BBOF1: variants seen among roughly 807,000 people sequenced by gnomAD.
The protein encoded by BBOF1 is basal body-orientation factor 1.
A neutral mutation model predicts 68.0 loss-of-function variants in BBOF1; 62 were observed. The observed-to-expected ratio is 0.91, with a 90% CI of 0.74 to 1.13. The LOEUF (loss-of-function observed/expected upper bound fraction) is 1.13, where lower values mean the gene tolerates loss of function less well. Ranked by LOEUF, BBOF1 falls within the 50% of genes most tolerant of loss-of-function variation. The pLI is 0.00. For synonymous variants in BBOF1, 208 were observed against 198.8 expected, an observed-to-expected ratio of 1.05 and a Z score of -0.39; for missense variants, 534 against 600.1, an observed-to-expected ratio of 0.89 and a Z score of 1.15.
chr14:74,029,181 C>G lies in BBOF1; in HGVS notation c.286-3C>G, dbSNP rs1167827552. On this transcript the variant is annotated splice_region_variant and splice_polypyrimidine_tract_variant and intron_variant, in intron 2 of 11. Coordinates refer to ENST00000394009, the MANE Select transcript of BBOF1 (RefSeq NM_025057.3). ...CATGACCCTGTATTTTGATTTTCAA[C>G]AGATTGAAAAACTGAAACAGCAATT... 3 of 1,546,106 alleles carry G rather than the reference C, an allele frequency of 1.9e-6. No homozygotes were observed. In the African/African-American group the frequency reaches 4.1e-5, roughly 21 times the overall value.
At chr14:74,024,125 A>G (rs1351603461) in intron 2 of BBOF1, among the ~76,000 whole-genome samples, 1 of 152,156 alleles carries the variant, frequency 6.6e-6, no homozygotes, top group African/African-American at 2.4e-5. Flanking sequence ...CAGAAAGGAC[A>G]GGTAACTTGC....
Position 74,050,114 on chromosome 14 carries a change from A to T in BBOF1, c.1205A>T (p.Glu402Val). 6.2e-7 allele frequency: 1 copy of T among 1,611,194 alleles called. No homozygotes were observed. Among genetic ancestry groups the T allele is most frequent in the Non-Finnish European group, 8.5e-7 (1 of 1,178,306 alleles). Residue 402 changes from glutamate to valine, a missense_variant, in exon 8 of 12, where the codon GAA becomes GTA. Coordinates refer to ENST00000394009, the MANE Select transcript of BBOF1 (RefSeq NM_025057.3). ...AGAGCAGCATGTACAGGAAGAACAG[A>T]ATATCCCAAAATCAGAACATTTGAT... is the stretch of plus-strand genomic sequence containing the variant. ...KMRAACTGRT[E>V]YPKIRTFDGR...
downstream of BBOF1, chr14:74,066,798 C>T (rs1566829922): frequency 2.5e-6 from 4 of 1,613,688 alleles, no homozygotes; most frequent in Non-Finnish European, 3.4e-6. Context: ...TGGAAGCTCC[C>T]TCCTTTGTTC....
intron 8 of BBOF1, among the ~76,000 whole-genome samples, chr14:74,051,582 T>G (rs1186859429): frequency 6.6e-6 from 1 of 151,742 alleles, no homozygotes; most frequent in African/African-American, 2.4e-5. Flanking sequence ...ATGATAAAGG[T>G]AACAGAATGT....
At chr14:74,064,572 T>C in intron 11 of BBOF1, 116 bp from the exon 12 acceptor site, 1 of 900,746 alleles carries the variant, frequency 1.1e-6, no homozygotes. Context: ...ACTCAGGAAA[T>C]GGCATATACA....
intron 2 of BBOF1, among the ~76,000 whole-genome samples, chr14:74,025,710 C>T (rs1175855452): frequency 1.3e-5 from 2 of 152,134 alleles, no homozygotes; most frequent in African/African-American, 4.8e-5. Context: ...TACATAGTAT[C>T]TCACTTGTGT....
chr14:74,073,161 T>C (rs1275642826), intron 9 of BBOF1, among the ~76,000 whole-genome samples: 1 of 151,996 alleles, frequency 6.6e-6, no homozygotes, highest in Non-Finnish European at 1.5e-5. Flanking sequence ...GGCTGGAGTG[T>C]AGTGTGATCA....
intron 2 of BBOF1, among the ~76,000 whole-genome samples, chr14:74,026,799 C>T (rs2059439610): frequency 1.3e-5 from 2 of 151,732 alleles, no homozygotes; most frequent in African/African-American, 4.8e-5. Context: ...GTAGTGTGCA[C>T]CTGTAATCCC....
At chr14:74,067,506 C>A (rs1393627263), downstream of BBOF1, 2 of 1,614,202 alleles carry the variant, frequency 1.2e-6, no homozygotes, top group South Asian at 2.2e-5. Flanking sequence ...GCTGCCCCAA[C>A]CAGCTGGTTC....
At chr14:74,024,907 A>AAT (rs1261445480) in intron 2 of BBOF1, among the ~76,000 whole-genome samples, 2 of 151,994 alleles carry the variant, frequency 1.3e-5, no homozygotes, top group African/African-American at 4.8e-5. Flanking sequence ...CTGGTCCAGA[A>AAT]ATTTCTATCT....
intron 4 of BBOF1, among the ~76,000 whole-genome samples, chr14:74,038,121 C>T (rs2059750688): frequency 6.6e-6 from 1 of 152,094 alleles, no homozygotes; most frequent in African/African-American, 2.4e-5. Flanking sequence ...TAATAGATTG[C>T]ACTCACTTGA....
In BBOF1 at chr14:74,065,196, C is replaced by T. The variant is rs757443944; in HGVS notation, c.*497C>T. 1 of 1,614,102 alleles carries T rather than the reference C, an allele frequency of 6.2e-7. No individual in the cohort carries two copies. Among genetic ancestry groups the T allele is most frequent in the East Asian group, 2.2e-5 (1 of 44,882 alleles). ...GTTCACGAACCTGTCCAACATCCAC[C>T]AAGTGGGCATATTTCCGAGCAGTGG... is the stretch of plus-strand genomic sequence containing the variant. On this transcript the variant is annotated 3_prime_UTR_variant, in exon 12 of 12. Transcript: ENST00000394009.
At chr14:74,081,273 G>C (rs1017186200) in exon 12 of BBOF1, 2 of 152,202 alleles carry the variant, frequency 1.3e-5, no homozygotes, top group South Asian at 2.1e-4. Flanking sequence ...TCCTGGAAGA[G>C]AGTAAGTACT....
intron 2 of BBOF1, among the ~76,000 whole-genome samples, chr14:74,026,185 G>A (rs1595011196): frequency 6.6e-6 from 1 of 150,576 alleles, no homozygotes; most frequent in African/African-American, 2.4e-5. Flanking sequence ...GCTCATGCCT[G>A]TAATCCCAGC....
At chr14:74,031,765 C>G (rs1406185832) in intron 3 of BBOF1, 1 of 152,228 alleles carries the variant, frequency 6.6e-6, no homozygotes, top group East Asian at 1.9e-4. Flanking sequence ...GGTCACACCT[C>G]CAAATACCAT....
chr14:74,056,620 G>A (rs925160676), intron 9 of BBOF1, among the ~76,000 whole-genome samples: 4 of 152,082 alleles, frequency 2.6e-5, no homozygotes, highest in Non-Finnish European at 5.9e-5. Flanking sequence ...ACAGGCATGA[G>A]CCACTGCCCC....
intron 2 of BBOF1, among the ~76,000 whole-genome samples, chr14:74,023,561 A>G (rs1253907431): frequency 6.6e-6 from 1 of 152,146 alleles, no homozygotes; most frequent in African/African-American, 2.4e-5. Flanking sequence ...GGCCAGTTGA[A>G]TCTTGTATCT....
intron 11 of BBOF1, chr14:74,060,795 T>A (rs1383458998): frequency 1.5e-6 from 2 of 1,354,938 alleles, no homozygotes; most frequent in South Asian, 2.3e-5. Flanking sequence ...GGTTTCATGA[T>A]TCTTCTTTTA....
At chr14:74,068,116 G>A (rs1344562420), downstream of BBOF1, among the ~76,000 whole-genome samples, 5 of 152,076 alleles carry the variant, frequency 3.3e-5, no homozygotes, top group Non-Finnish European at 7.4e-5. Context: ...CAGGCATGGT[G>A]GCTCATGCCT....
Sources: allele counts gnomAD v4.1 joint callset (sites outside exome capture counted in the v4.1 genomes callset), GRCh38; gene constraint gnomAD v4.1.1; transcripts MANE v1.5; gene names NCBI Gene and HGNC (gene_info 2026-07-23, HGNC 2026-07-21).